The following TOP6BL variants were observed in gnomAD, a reference collection of about 807,000 sequenced individuals.
The protein encoded by TOP6BL is type 2 DNA topoisomerase 6 subunit B-like.
At chr11:66,769,607 G>A in the TOP6BL span, among the ~76,000 whole-genome samples, 2 of 152,034 alleles carry the variant, frequency 1.3e-5, no homozygotes, top group African/African-American at 4.8e-5. Flanking sequence ...ATATGGTAAA[G>A]CCCCAACCCC....
At chr11:66,823,695 C>CT in the TOP6BL span, among the ~76,000 whole-genome samples, 18 of 152,006 alleles carry the variant, frequency 1.2e-4, no homozygotes, top group Non-Finnish European at 2.1e-4. Flanking sequence ...TGGTGCACGC[C>CT]TGTAGTCCCA....
the TOP6BL span, chr11:66,756,226 TTAAAA>T: frequency 1.1e-6 from 1 of 939,806 alleles, no homozygotes. Context: ...GAAATGTTAG[TTAAAA>T]TAAGTTTTTA....
chr11:66,755,332 G>T, the TOP6BL span, among the ~76,000 whole-genome samples: 1 of 152,136 alleles, frequency 6.6e-6, no homozygotes, highest in Non-Finnish European at 1.5e-5. Context: ...TGTTGGCCAG[G>T]CTGGTGTCGA....
the TOP6BL span, among the ~76,000 whole-genome samples, chr11:66,781,554 A>G: frequency 6.6e-6 from 1 of 151,840 alleles, no homozygotes; most frequent in African/African-American, 2.4e-5. Context: ...TTCTTTTTTC[A>G]GAGACAGGGT....
the TOP6BL span, chr11:66,761,914 C>T: frequency 3.0e-6 from 4 of 1,339,100 alleles, no homozygotes; most frequent in Non-Finnish European, 4.3e-6. Context: ...GCTTCAACCA[C>T]GAAATGGGGA....
At chr11:66,832,958 C>G in the TOP6BL span, among the ~76,000 whole-genome samples, 1 of 151,782 alleles carries the variant, frequency 6.6e-6, no homozygotes, top group Non-Finnish European at 1.5e-5. Context: ...AAAACTGTAC[C>G]TTGGTTTCTT....
chr11:66,761,085 C>T, the TOP6BL span, among the ~76,000 whole-genome samples: 3 of 149,112 alleles, frequency 2.0e-5, no homozygotes, highest in Non-Finnish European at 3.0e-5. Context: ...TAGAAAACAA[C>T]GATAGGCCGG....
At chr11:66,804,842 C>T in the TOP6BL span, among the ~76,000 whole-genome samples, 35 of 152,008 alleles carry the variant, frequency 2.3e-4, no homozygotes, top group Admixed American at 1.0e-3. Flanking sequence ...GAGGCTGAGG[C>T]GGATGGATCA....
chr11:66,753,825 C>T, the TOP6BL span, among the ~76,000 whole-genome samples: 1 of 152,112 alleles, frequency 6.6e-6, no homozygotes, highest in African/African-American at 2.4e-5. Flanking sequence ...CTGCCTCAGC[C>T]TCCTCAGTAG....
chr11:66,820,849 C>T, the TOP6BL span, among the ~76,000 whole-genome samples: 1 of 152,138 alleles, frequency 6.6e-6, no homozygotes, highest in Non-Finnish European at 1.5e-5. Context: ...CATTCTCCAC[C>T]TTAATTTTCC....
the TOP6BL span, among the ~76,000 whole-genome samples, chr11:66,773,968 ATCCAC>A: frequency 1.3e-5 from 2 of 152,084 alleles, no homozygotes; most frequent in Non-Finnish European, 2.9e-5. Flanking sequence ...ACCTCAGGTG[ATCCAC>A]CAGCCTTGGC....
the TOP6BL span, among the ~76,000 whole-genome samples, chr11:66,776,746 A>G: frequency 6.6e-6 from 1 of 151,722 alleles, no homozygotes; most frequent in Non-Finnish European, 1.5e-5. Context: ...TGAGTGCTGT[A>G]TTTCCTGAAA....
chr11:66,770,259 C>T, the TOP6BL span, among the ~76,000 whole-genome samples: 1 of 152,134 alleles, frequency 6.6e-6, no homozygotes, highest in African/African-American at 2.4e-5. Flanking sequence ...ATAAATTTCT[C>T]TTGTTTAAGC....
chr11:66,838,510 A>G, the TOP6BL span: 97 of 1,423,212 alleles, frequency 6.8e-5, no homozygotes, highest in Middle Eastern at 1.7e-4. Context: ...CGTGAGTTCA[A>G]ACTTTCAAAC....
chr11:66,796,984 C>T, the TOP6BL span, among the ~76,000 whole-genome samples: 1 of 151,242 alleles, frequency 6.6e-6, no homozygotes, highest in Admixed American at 6.6e-5. Context: ...TGAGGCACTG[C>T]ACCTGGCCCA....
chr11:66,776,495 A>T, the TOP6BL span, among the ~76,000 whole-genome samples: 87 of 152,162 alleles, frequency 5.7e-4, no homozygotes, highest in Non-Finnish European at 2.9e-4. Context: ...ATTATTTAAA[A>T]GTCTACCACT....
At chr11:66,766,205 G>A in the TOP6BL span, among the ~76,000 whole-genome samples, 1 of 152,114 alleles carries the variant, frequency 6.6e-6, no homozygotes. Context: ...CCTTCTTTAG[G>A]GGAGCTGAAC....
At chr11:66,752,218 T>C in the TOP6BL span, among the ~76,000 whole-genome samples, 1 of 150,664 alleles carries the variant, frequency 6.6e-6, no homozygotes, top group African/African-American at 2.4e-5. Context: ...TTGGAAAGAG[T>C]GTTTGGAAGG....
At chr11:66,841,144 T>G in the TOP6BL span, among the ~76,000 whole-genome samples, 1 of 125,262 alleles carries the variant, frequency 8.0e-6, no homozygotes, top group Non-Finnish European at 1.6e-5. Context: ...TGAGACAGAG[T>G]CTCCCTCTGT....
Sources: allele counts gnomAD v4.1 joint callset (sites outside exome capture counted in the v4.1 genomes callset), GRCh38; gene constraint gnomAD v4.1.1; transcripts MANE v1.5; gene names NCBI Gene and HGNC (gene_info 2026-07-23, HGNC 2026-07-21).